Variants in LDB2 observed in about 807,000 individuals in gnomAD.
LDB2 encodes LIM domain binding 2, also known as LIM domain-binding protein 2.
A neutral mutation model predicts 44.3 loss-of-function variants in LDB2; 12 were observed. The observed-to-expected ratio is 0.27, with a 90% CI of 0.17 to 0.44. The LOEUF (loss-of-function observed/expected upper bound fraction) is 0.44, where lower values mean the gene tolerates loss of function less well. Ranked by LOEUF, LDB2 falls within the 20% of genes least tolerant of loss-of-function variation. LDB2 has a pLI of 1.00. For missense variants in LDB2, 344 were observed against 473.5 expected (o/e 0.73, Z 2.54); for synonymous variants, 164 against 174.8 (o/e 0.94, Z 0.49).
At chr4:16,509,618 A>G (rs1171718536) in intron 6 of LDB2, among the ~76,000 whole-genome samples, 1 of 152,206 alleles carries the variant, frequency 6.6e-6, no homozygotes, top group African/African-American at 2.4e-5. Flanking sequence ...AAAAAATCCT[A>G]TTAGTTAGGA....
intron 5 of LDB2, among the ~76,000 whole-genome samples, chr4:16,543,215 T>C (rs1462868604): frequency 6.6e-6 from 1 of 152,286 alleles, no homozygotes; most frequent in East Asian, 1.9e-4. Context: ...CTATTGTGAA[T>C]AGTGCCGCAA....
rs144773954 is a variant in LDB2, at chr4:16,707,270, C to G, written c.235+51888G>C. 3.9e-5 allele frequency among the ~76,000 whole-genome samples: 6 copies of G among 152,242 alleles called. 1 individual carries two copies. The East Asian group carries it at 1.2e-3, about 29-fold the overall frequency. ...TTGTGACAAATAATAGGACTACTAT[C>G]TTTCTATTATACACATTTTGGCAAA... On this transcript the variant is annotated intron_variant, in intron 2 of 7. Transcript: ENST00000304523.
At chr4:16,598,649 A>G (rs1037667605) in intron 2 of LDB2, among the ~76,000 whole-genome samples, 1 of 152,164 alleles carries the variant, frequency 6.6e-6, no homozygotes, top group African/African-American at 2.4e-5. Flanking sequence ...GCTAGCCACA[A>G]GTTAGTCAAA....
At chr4:16,537,350 G>A (rs967052709) in intron 5 of LDB2, among the ~76,000 whole-genome samples, 1 of 152,154 alleles carries the variant, frequency 6.6e-6, no homozygotes, top group Admixed American at 6.5e-5. Context: ...TTCCTTCTGG[G>A]TGAAAACCCA....
intron 1 of LDB2, among the ~76,000 whole-genome samples, chr4:16,767,128 T>A (rs1579473567): frequency 6.6e-6 from 1 of 152,236 alleles, no homozygotes; most frequent in East Asian, 1.9e-4. Flanking sequence ...GATGCATGGG[T>A]AGAGATTCAA....
intron 2 of LDB2, among the ~76,000 whole-genome samples, chr4:16,719,033 A>G (rs1757662762): frequency 6.6e-6 from 1 of 152,104 alleles, no homozygotes. Flanking sequence ...AAATAGGCAT[A>G]TAAGAAGAAA....
chr4:16,521,047 C>T (rs1450288401), intron 5 of LDB2, among the ~76,000 whole-genome samples: 1 of 152,166 alleles, frequency 6.6e-6, no homozygotes, highest in Non-Finnish European at 1.5e-5. Context: ...ACATTATTTC[C>T]CAGCTGTCTT....
Position 16,897,942 on chromosome 4 carries a change from A to ATG in LDB2, c.132+411_132+412insCA. ...TATATATATATATATATATATACAC[A>ATG]TATGTATATATATATATATATATAT... On this transcript the variant is annotated intron_variant, in intron 1 of 7. Coordinates refer to ENST00000304523, the MANE Select transcript of LDB2 (RefSeq NM_001290.5). 1.3e-4 allele frequency among the ~76,000 whole-genome samples: 2 copies of ATG among 15,406 alleles called. 1 individual carries two copies. The highest frequency in any genetic ancestry group is 1.9e-3 in the Admixed American group (2 of 1,036). 10.1% of individuals were successfully genotyped at this position (15,406 alleles called of 152,430 possible).
chr4:16,566,152 A>C (rs1454787946), intron 5 of LDB2, among the ~76,000 whole-genome samples: 1 of 152,088 alleles, frequency 6.6e-6, no homozygotes, highest in Non-Finnish European at 1.5e-5. Context: ...ATAAATACCA[A>C]CTAATTTATG....
chr4:16,816,612 T>C (rs572473679), intron 1 of LDB2, among the ~76,000 whole-genome samples: 89 of 152,138 alleles, frequency 5.8e-4, no homozygotes, highest in Non-Finnish European at 1.0e-3. Flanking sequence ...GGTTTCACCA[T>C]GTTTGCCAGG....
intron 1 of LDB2, among the ~76,000 whole-genome samples, chr4:16,759,987 A>T (rs1005265504): frequency 6.6e-6 from 1 of 152,228 alleles, no homozygotes; most frequent in Non-Finnish European, 1.5e-5. Flanking sequence ...GAAGCGGCCC[A>T]GTTTAAGGCA....
chr4:16,696,466 G>A (rs1042516119), intron 2 of LDB2, among the ~76,000 whole-genome samples: 1 of 152,098 alleles, frequency 6.6e-6, no homozygotes, highest in Non-Finnish European at 1.5e-5. Context: ...ATATATAAAA[G>A]AAAAGGTCAG....
intron 2 of LDB2, among the ~76,000 whole-genome samples, chr4:16,652,371 C>G (rs1345220584): frequency 2.0e-5 from 3 of 152,146 alleles, no homozygotes; most frequent in Non-Finnish European, 4.4e-5. Context: ...AACTGAAAAG[C>G]TACTTAAACA....
intron 1 of LDB2, among the ~76,000 whole-genome samples, chr4:16,792,603 G>A (rs961532842): frequency 1.3e-5 from 2 of 151,982 alleles, no homozygotes; most frequent in Non-Finnish European, 2.9e-5. Context: ...CTTCCTTTTC[G>A]AAAGATGCAT....
chr4:16,694,440 G>C (rs1751608318), intron 2 of LDB2, among the ~76,000 whole-genome samples: 1 of 152,182 alleles, frequency 6.6e-6, no homozygotes. Flanking sequence ...AATAATCGCT[G>C]CATTAAATGG....
intron 5 of LDB2, among the ~76,000 whole-genome samples, chr4:16,562,664 C>G (rs1742838792): frequency 6.6e-6 from 1 of 152,198 alleles, no homozygotes; most frequent in African/African-American, 2.4e-5. Context: ...GTGGCCATTC[C>G]TCAGGGATCT....
intron 2 of LDB2, among the ~76,000 whole-genome samples, chr4:16,672,348 A>G (rs1167142435): frequency 1.3e-5 from 2 of 152,134 alleles, no homozygotes; most frequent in Non-Finnish European, 2.9e-5. Context: ...ACATTCTCTT[A>G]TGCCTAGGTT....
chr4:16,534,136 T>C (rs767281883), intron 5 of LDB2, among the ~76,000 whole-genome samples: 2 of 152,114 alleles, frequency 1.3e-5, no homozygotes, highest in Admixed American at 6.5e-5. Context: ...CCTCTGATGA[T>C]CACAAAATAA....
intron 5 of LDB2, among the ~76,000 whole-genome samples, chr4:16,568,997 T>G (rs537492449): frequency 8.4e-4 from 128 of 152,340 alleles, no homozygotes; most frequent in African/African-American, 2.8e-3. Context: ...GTAACAGGGT[T>G]CCTGCCATTT....
Sources: gnomAD v4.1 joint callset for allele counts (sites outside exome capture counted in the v4.1 genomes callset) on GRCh38, gnomAD v4.1.1 for gene constraint, MANE v1.5 for transcripts, NCBI Gene and HGNC (gene_info 2026-07-23, HGNC 2026-07-21) for gene names.